The following FAT3 variants were observed in gnomAD, a reference collection of about 807,000 sequenced individuals.
The protein encoded by FAT3 is protocadherin Fat 3.
FAT3 carries 95 observed loss-of-function variants against 310.2 expected under a neutral mutation model. The ratio of observed to expected loss-of-function variants is 0.31; its 90% CI spans 0.26 to 0.36. FAT3 has a LOEUF of 0.36. Ranked by LOEUF, FAT3 falls within the 10% of genes least tolerant of loss-of-function variation. The pLI is 1.00. For missense variants in FAT3, 5,408 were observed against 5,715.6 expected (o/e 0.95, Z 1.74); for synonymous variants, 2,314 against 2,192.9 (o/e 1.06, Z -1.54).
intron 1 of FAT3, among the ~76,000 whole-genome samples, chr11:92,310,443 G>A (rs112604178): frequency 0.027 from 4,034 of 152,156 alleles, 189 homozygotes; most frequent in African/African-American, 0.092. Flanking sequence ...ATTGAAATAT[G>A]TACTGAACCA....
chr11:92,503,229 T>C (rs1952999098), intron 2 of FAT3, among the ~76,000 whole-genome samples: 1 of 152,106 alleles, frequency 6.6e-6, no homozygotes, highest in Non-Finnish European at 1.5e-5. Flanking sequence ...TGGAAAATAA[T>C]GTTTGATTCT....
chr11:92,275,443 T>A (rs1946244516), intron 1 of FAT3, among the ~76,000 whole-genome samples: 1 of 152,052 alleles, frequency 6.6e-6, no homozygotes. Flanking sequence ...TCTTGGCTCA[T>A]CTTTGGTTCT....
chr11:92,857,189 C>A, intron 19 of FAT3, 25 bp from the exon 20 acceptor site: 1 of 1,613,794 alleles, frequency 6.2e-7, no homozygotes, highest in Non-Finnish European at 8.5e-7. Flanking sequence ...GTGTACTGAT[C>A]ATGCATATTC....
intron 2 of FAT3, among the ~76,000 whole-genome samples, chr11:92,465,506 G>A (rs1565337811): frequency 6.6e-6 from 1 of 152,144 alleles, no homozygotes; most frequent in Admixed American, 6.6e-5. Context: ...TCTAACTGGT[G>A]TGAGATGGTA....
chr11:92,581,655 G>T (rs1371457911), intron 3 of FAT3, among the ~76,000 whole-genome samples: 1 of 149,958 alleles, frequency 6.7e-6, no homozygotes, highest in Non-Finnish European at 1.5e-5. Context: ...GGTCTGCCAA[G>T]GGGGGGGATT....
At chr11:92,547,471 G>A (rs1954652238) in intron 3 of FAT3, among the ~76,000 whole-genome samples, 1 of 152,170 alleles carries the variant, frequency 6.6e-6, no homozygotes, top group Non-Finnish European at 1.5e-5. Flanking sequence ...ACTGTAAAAT[G>A]TAATAAATAA....
At position 92,568,312 on chromosome 11, in the gene FAT3, T is replaced by G. The variant is rs547679632; in HGVS notation, c.3607+43364T>G. On this transcript the variant is annotated intron_variant, in intron 3 of 27. Coordinates refer to ENST00000525166, the MANE Select transcript of FAT3 (RefSeq NM_001367949.2). ...ATTAATATGCATATTAACATGGATA[T>G]TGTCCCTTTATCCATGAATTAGATA... Among the ~76,000 whole-genome samples, 7 of 152,286 alleles carry G rather than the reference T, an allele frequency of 4.6e-5. 1 individual carries two copies. The East Asian group carries it at 1.2e-3, about 25-fold the overall frequency.
At chr11:92,853,647 C>T (rs564798857) in intron 19 of FAT3, among the ~76,000 whole-genome samples, 7 of 152,252 alleles carry the variant, frequency 4.6e-5, no homozygotes, top group South Asian at 2.1e-4. Context: ...AGGAGCCCCG[C>T]GGTGGGTAGC....
intron 2 of FAT3, among the ~76,000 whole-genome samples, chr11:92,490,377 A>C (rs1188579704): frequency 6.6e-6 from 1 of 152,108 alleles, no homozygotes; most frequent in Non-Finnish European, 1.5e-5. Flanking sequence ...TACAAACTGG[A>C]TTTGAGTCTC....
At chr11:92,850,816 G>A (rs1394139048) in intron 19 of FAT3, among the ~76,000 whole-genome samples, 1 of 152,194 alleles carries the variant, frequency 6.6e-6, no homozygotes, top group Non-Finnish European at 1.5e-5. Context: ...AGATAGGAGA[G>A]GAGAGTCATA....
At chr11:92,795,243 T>C (rs2136169698) in intron 9 of FAT3, among the ~76,000 whole-genome samples, 1 of 152,248 alleles carries the variant, frequency 6.6e-6, no homozygotes, top group African/African-American at 2.4e-5. Context: ...GATCCCAAGA[T>C]GCATATGAAT....
At chr11:92,602,138 A>T (rs1202698764) in intron 3 of FAT3, among the ~76,000 whole-genome samples, 5 of 151,960 alleles carry the variant, frequency 3.3e-5, no homozygotes, top group Non-Finnish European at 7.4e-5. Flanking sequence ...CAATGGCGCA[A>T]TCTCGGCTCA....
At chr11:92,379,663 C>A (rs889912654) in intron 2 of FAT3, among the ~76,000 whole-genome samples, 1 of 147,384 alleles carries the variant, frequency 6.8e-6, no homozygotes, top group Non-Finnish European at 1.5e-5. Context: ...TTGGATTTGG[C>A]GTACTCATCT....
intron 3 of FAT3, among the ~76,000 whole-genome samples, chr11:92,622,587 C>A (rs972206527): frequency 6.6e-6 from 1 of 152,114 alleles, no homozygotes; most frequent in Non-Finnish European, 1.5e-5. Flanking sequence ...TGATAAGAAA[C>A]AAGATTGCTA....
At chr11:92,278,010 T>C (rs1043855588) in intron 1 of FAT3, among the ~76,000 whole-genome samples, 13 of 151,988 alleles carry the variant, frequency 8.6e-5, no homozygotes, top group African/African-American at 3.1e-4. Context: ...CAGCTGAGCC[T>C]GGGAAGTCAA....
chr11:92,496,361 G>C (rs969258332), intron 2 of FAT3, among the ~76,000 whole-genome samples: 1 of 151,892 alleles, frequency 6.6e-6, no homozygotes, highest in Admixed American at 6.6e-5. Context: ...ACCCTCTGCT[G>C]TTCCCCCTCC....
At chr11:92,566,782 T>C (rs1324382464) in intron 3 of FAT3, among the ~76,000 whole-genome samples, 3 of 151,996 alleles carry the variant, frequency 2.0e-5, no homozygotes, top group Non-Finnish European at 4.4e-5. Context: ...AAACAAGCAA[T>C]GGGAAAGGAT....
chr11:92,551,414 T>TTGTTTTGTGTGTGTG (rs35238743), intron 3 of FAT3, among the ~76,000 whole-genome samples: 6,753 of 128,818 alleles, frequency 0.052, 180 homozygotes, highest in African/African-American at 0.058. Flanking sequence ...TTTTTTTGTT[T>TTGTTTTGTGTGTGTG]TGTGTGTGTG....
intron 2 of FAT3, among the ~76,000 whole-genome samples, chr11:92,402,187 A>G (rs1471903765): frequency 2.0e-5 from 3 of 152,238 alleles, no homozygotes; most frequent in African/African-American, 7.2e-5. Context: ...AAAACCCACA[A>G]TAATGGAAAT....
Sources: gnomAD v4.1 joint callset for allele counts (sites outside exome capture counted in the v4.1 genomes callset) on GRCh38, gnomAD v4.1.1 for gene constraint, MANE v1.5 for transcripts, NCBI Gene and HGNC (gene_info 2026-07-23, HGNC 2026-07-21) for gene names.